ZBTB20: variants seen among roughly 807,000 people sequenced by gnomAD.
ZBTB20 encodes the protein zinc finger and BTB domain-containing protein 20.
ZBTB20 carries 9 observed loss-of-function variants against 56.9 expected under a neutral mutation model. That is an observed-to-expected ratio of 0.16 (90% CI 0.10 to 0.28). The LOEUF (loss-of-function observed/expected upper bound fraction) is 0.28, where lower values mean the gene tolerates loss of function less well. Among genes scored for constraint, ZBTB20 ranks in the 10% least tolerant of loss-of-function variants. The probability of loss-of-function intolerance (pLI) is 1.00; values close to 1 mark genes in which losing one functional copy is unlikely to be tolerated. For missense variants in ZBTB20, 655 were observed against 1,003.0 expected, an observed-to-expected ratio of 0.65 and a Z score of 4.69; for synonymous variants, 417 against 420.7, an observed-to-expected ratio of 0.99 and a Z score of 0.11.
rs2075237485 is a variant in ZBTB20 at position 114,904,241 on chromosome 3, T to C, written c.-455-3899A>G. ...ACAGAAATAGTTCATCTTCCCTTCA[T>C]ACTAGTTGGGCCTGGCTAGAGATGC... On this transcript the variant is annotated intron_variant, in intron 3 of 11. Transcript: ENST00000675478. 2 of 152,034 alleles carry C rather than the reference T, an allele frequency of 1.3e-5. 1 individual carries two copies. The highest frequency in any genetic ancestry group is 4.1e-4 in the South Asian group (2 of 4,826). The allele number at this position is 152,034 out of a possible 1,614,324, so 9.4% of individuals were successfully genotyped here. A position where few individuals can be genotyped will look rare whatever the true frequency, so the allele number is the denominator to read the frequency against.
intron 6 of ZBTB20, among the ~76,000 whole-genome samples, chr3:114,534,236 A>G (rs2048193021): frequency 6.6e-6 from 1 of 152,184 alleles, no homozygotes; most frequent in Non-Finnish European, 1.5e-5. Context: ...TGCATTTAGG[A>G]GACCCATCTC....
intron 6 of ZBTB20, among the ~76,000 whole-genome samples, chr3:114,581,948 G>C (rs1275157204): frequency 6.6e-6 from 1 of 152,078 alleles, no homozygotes; most frequent in African/African-American, 2.4e-5. Context: ...CTGTGGTCTT[G>C]TTTGTGATTG....
chr3:114,620,460 T>C (rs1006909835), intron 6 of ZBTB20, among the ~76,000 whole-genome samples: 4 of 152,044 alleles, frequency 2.6e-5, no homozygotes, highest in Non-Finnish European at 4.4e-5. Flanking sequence ...GCCCGGCTAA[T>C]GTTGTATTTT....
chr3:114,928,000 T>G (rs1421400761), intron 3 of ZBTB20, among the ~76,000 whole-genome samples: 1 of 152,210 alleles, frequency 6.6e-6, no homozygotes, highest in African/African-American at 2.4e-5. Context: ...CTCAATTAAC[T>G]CTCAAAAAGT....
At chr3:114,458,180 G>A (rs546301541) in intron 7 of ZBTB20, among the ~76,000 whole-genome samples, 1 of 152,230 alleles carries the variant, frequency 6.6e-6, no homozygotes, top group African/African-American at 2.4e-5. Context: ...GACAGTGTTA[G>A]CACAAGGGTT....
chr3:114,921,761 G>GC (rs1413894617), intron 3 of ZBTB20, among the ~76,000 whole-genome samples: 3 of 151,562 alleles, frequency 2.0e-5, no homozygotes, highest in African/African-American at 7.3e-5. Context: ...TATACCTAAT[G>GC]TAAATGATGA....
intron 3 of ZBTB20, among the ~76,000 whole-genome samples, chr3:114,958,773 AG>A (rs2077338710): frequency 6.6e-6 from 1 of 151,806 alleles, no homozygotes; most frequent in African/African-American, 2.4e-5. Context: ...ACTTGAAACT[AG>A]GAAGCGGAAG....
intron 7 of ZBTB20, among the ~76,000 whole-genome samples, chr3:114,417,082 CAT>C (rs1310306363): frequency 6.6e-6 from 1 of 152,066 alleles, no homozygotes; most frequent in Non-Finnish European, 1.5e-5. Context: ...TGTGTTGTAA[CAT>C]AATAAAATAA....
intron 4 of ZBTB20, among the ~76,000 whole-genome samples, chr3:114,843,246 A>G (rs1015322763): frequency 3.3e-5 from 5 of 152,182 alleles, no homozygotes; most frequent in African/African-American, 9.7e-5. Context: ...CTATCCAAGT[A>G]TAAGAGAAAA....
intron 3 of ZBTB20, among the ~76,000 whole-genome samples, chr3:114,925,109 T>C (rs1481481364): frequency 6.7e-6 from 1 of 148,836 alleles, no homozygotes; most frequent in Non-Finnish European, 1.5e-5. Context: ...TCAGCCTCCC[T>C]AGTAGCTGGA....
intron 5 of ZBTB20, among the ~76,000 whole-genome samples, chr3:114,761,700 G>A (rs2068453054): frequency 6.6e-6 from 1 of 151,860 alleles, no homozygotes; most frequent in Non-Finnish European, 1.5e-5. Flanking sequence ...ATGGGGTGGT[G>A]GCAGAAAGCT....
At chr3:114,491,663 T>C (rs2042766635) in intron 7 of ZBTB20, among the ~76,000 whole-genome samples, 1 of 152,246 alleles carries the variant, frequency 6.6e-6, no homozygotes, top group Admixed American at 6.5e-5. Flanking sequence ...CTCTTCTCTC[T>C]TCTGCACATT....
intron 6 of ZBTB20, among the ~76,000 whole-genome samples, chr3:114,600,915 G>T (rs556537344): frequency 6.6e-6 from 1 of 150,542 alleles, no homozygotes; most frequent in African/African-American, 2.4e-5. Flanking sequence ...TTTGTTGCTT[G>T]CCTTTTCTTG....
At chr3:115,079,517 T>G (rs1039029536) in intron 1 of ZBTB20, among the ~76,000 whole-genome samples, 1 of 152,126 alleles carries the variant, frequency 6.6e-6, no homozygotes, top group African/African-American at 2.4e-5. Context: ...GCCTCCTGAG[T>G]AGCTGGAATT....
chr3:114,929,543 A>G (rs1016571443), intron 3 of ZBTB20, among the ~76,000 whole-genome samples: 1 of 152,212 alleles, frequency 6.6e-6, no homozygotes, highest in African/African-American at 2.4e-5. Flanking sequence ...GTCAATATAA[A>G]AGGAAATTAC....
chr3:114,587,365 T>C (rs557683161), intron 6 of ZBTB20, among the ~76,000 whole-genome samples: 4 of 152,114 alleles, frequency 2.6e-5, no homozygotes, highest in African/African-American at 7.2e-5. Flanking sequence ...ATGTACACTA[T>C]CTGGGGAAGC....
intron 7 of ZBTB20, among the ~76,000 whole-genome samples, chr3:114,448,758 G>A (rs2091425822): frequency 1.3e-5 from 2 of 152,084 alleles, no homozygotes; most frequent in South Asian, 4.1e-4. Context: ...TAAAATATTT[G>A]AATATAAATG....
At chr3:115,020,373 TC>T (rs1471723462) in intron 2 of ZBTB20, among the ~76,000 whole-genome samples, 1 of 151,096 alleles carries the variant, frequency 6.6e-6, no homozygotes, top group Non-Finnish European at 1.5e-5. Flanking sequence ...TTTTGTTAAA[TC>T]CCATGAAAGT....
At chr3:115,146,376 C>CGGGGGGGGGGG (rs144727550) in intron 1 of ZBTB20, among the ~76,000 whole-genome samples, 1 of 135,754 alleles carries the variant, frequency 7.4e-6, no homozygotes. Context: ...CAGCTGGGGG[C>CGGGGGGGGGGG]GGGGGGTGGG....
Sources: gnomAD v4.1 joint callset for allele counts (sites outside exome capture counted in the v4.1 genomes callset) on GRCh38, gnomAD v4.1.1 for gene constraint, MANE v1.5 for transcripts, NCBI Gene and HGNC (gene_info 2026-07-23, HGNC 2026-07-21) for gene names.